MYO18B: variants seen among roughly 807,000 people sequenced by gnomAD.
MYO18B encodes unconventional myosin-XVIIIb.
A neutral mutation model predicts 273.0 loss-of-function variants in MYO18B; 204 were observed. The ratio of observed to expected loss-of-function variants is 0.75; its 90% CI spans 0.67 to 0.84. The LOEUF (loss-of-function observed/expected upper bound fraction) is 0.84. Ranked by LOEUF, MYO18B falls within the 40% of genes least tolerant of loss-of-function variation. The pLI is 0.00. For synonymous variants in MYO18B, 1,330 were observed against 1,305.7 expected (o/e 1.02, Z -0.40); for missense variants, 3,212 against 3,287.6 (o/e 0.98, Z 0.56).
At chr22:25,928,496 C>T (rs958059750) in intron 34 of MYO18B, among the ~76,000 whole-genome samples, 3 of 151,936 alleles carry the variant, frequency 2.0e-5, no homozygotes, top group Non-Finnish European at 4.4e-5. Flanking sequence ...CAACAGTTTC[C>T]CTTAGCTACA....
intron 12 of MYO18B, among the ~76,000 whole-genome samples, chr22:25,814,279 C>T (rs937439421): frequency 1.5e-5 from 2 of 136,440 alleles, no homozygotes; most frequent in Non-Finnish European, 3.1e-5. Context: ...GCTTGCCATG[C>T]TCCCAGGCAC....
intron 12 of MYO18B, among the ~76,000 whole-genome samples, chr22:25,822,976 C>T (rs2089340034): frequency 6.6e-6 from 1 of 152,080 alleles, no homozygotes; most frequent in Non-Finnish European, 1.5e-5. Flanking sequence ...GGTGGTGGTG[C>T]CAAGGTTGTC....
In MYO18B at chr22:25,872,320, G is replaced by T. The variant is rs562112531; in HGVS notation, c.3952-1966G>T. Among the ~76,000 whole-genome samples, 9 of 152,246 alleles carry T rather than the reference G, an allele frequency of 5.9e-5. No homozygotes were observed. The South Asian group carries it at 1.9e-3, about 32-fold the overall frequency. ...TGGAATCAAATTGCAGTTGAACCTCGCACTTCAAGTGCTTGTATCATAATG... is the reference window on the plus strand; with the variant it reads ...TGGAATCAAATTGCAGTTGAACCTCTCACTTCAAGTGCTTGTATCATAATG... On this transcript the variant is annotated intron_variant, in intron 22 of 43. Coordinates refer to ENST00000335473, the MANE Select transcript of MYO18B (RefSeq NM_032608.7).
At chr22:25,873,270 A>G (rs1237809218) in intron 22 of MYO18B, among the ~76,000 whole-genome samples, 1 of 152,042 alleles carries the variant, frequency 6.6e-6, no homozygotes, top group East Asian at 1.9e-4. Flanking sequence ...GCCATCATCC[A>G]TTATTGATGA....
rs749219859 is a variant in MYO18B at position 25,768,944 on chromosome 22, G to T, written c.1028G>T (p.Ser343Ile). The change falls in exon 4 of 44, where the codon AGT becomes ATT. Residue 343 changes from serine to isoleucine, a missense_variant. Transcript: ENST00000335473. ...NKKDKEGVLLSKAEKTGEPQT... is the reference protein window; with the variant it reads ...NKKDKEGVLLIKAEKTGEPQT... Reference sequence around the variant, plus strand: ...AAGGACAAAGAAGGGGTGCTCTTAAGTAAGGCAGAGAAGACAGGTGAGCCT... The same window carrying T: ...AAGGACAAAGAAGGGGTGCTCTTAATTAAGGCAGAGAAGACAGGTGAGCCT... The T allele has an allele frequency of 6.2e-7, 1 of 1,612,058 alleles. No individual in the cohort carries two copies. The highest frequency in any genetic ancestry group is 2.2e-5 in the East Asian group (1 of 44,840).
intron 39 of MYO18B, among the ~76,000 whole-genome samples, chr22:25,979,622 A>G (rs9608435): frequency 0.11 from 16,962 of 152,158 alleles, 1,024 homozygotes; most frequent in Middle Eastern, 0.2. Context: ...AGGATGCTGC[A>G]TCGGAAGTCA....
At position 25,868,972 on chromosome 22, in the gene MYO18B, C is replaced by T. The variant is rs533110416; in HGVS notation, c.3951+587C>T. ...ATGCTGAAGTTTTCAAGGTGGGATA[C>T]ATGGTATTTAGGGTTTCTCAAACTA... On this transcript the variant is annotated intron_variant, in intron 22 of 43. Coordinates refer to ENST00000335473, the MANE Select transcript of MYO18B (RefSeq NM_032608.7). Among the ~76,000 whole-genome samples the T allele has an allele frequency of 2.1e-4, 32 of 152,316 alleles. 1 individual carries two copies. In the South Asian group the frequency reaches 5.8e-3, roughly 28 times the overall value.
At chr22:26,039,758 A>G in the MYO18B span, among the ~76,000 whole-genome samples, 11,932 of 151,958 alleles carry the variant, frequency 0.079, 798 homozygotes, top group African/African-American at 0.18. Context: ...ACTGTACCCA[A>G]TATGCAGTCT....
At chr22:25,862,214 T>C (rs2090758390) in intron 21 of MYO18B, among the ~76,000 whole-genome samples, 1 of 152,214 alleles carries the variant, frequency 6.6e-6, no homozygotes, top group South Asian at 2.1e-4. Context: ...TGCAGATTTT[T>C]GTATCCTTTG....
chr22:26,015,803 G>GT (rs976005009), intron 42 of MYO18B, among the ~76,000 whole-genome samples: 9 of 151,950 alleles, frequency 5.9e-5, no homozygotes, highest in African/African-American at 2.2e-4. Context: ...GAACTTAAAA[G>GT]TTTTTTTTCT....
intron 17 of MYO18B, among the ~76,000 whole-genome samples, chr22:25,837,671 A>G (rs2089947123): frequency 6.6e-6 from 1 of 152,202 alleles, no homozygotes; most frequent in South Asian, 2.1e-4. Flanking sequence ...TGCCCATATC[A>G]GGACAGGATT....
At chr22:25,834,778 C>T (rs796364243) in intron 16 of MYO18B, among the ~76,000 whole-genome samples, 8 of 152,288 alleles carry the variant, frequency 5.3e-5, no homozygotes, top group African/African-American at 1.4e-4. Flanking sequence ...GCTATTGACT[C>T]GTGTTCACCT....
At chr22:25,854,502 G>A (rs1171947310) in intron 21 of MYO18B, among the ~76,000 whole-genome samples, 1 of 152,004 alleles carries the variant, frequency 6.6e-6, no homozygotes, top group Non-Finnish European at 1.5e-5. Flanking sequence ...AAAAAATTAT[G>A]GTAAAATACA....
At chr22:25,955,428 T>G in intron 39 of MYO18B, 64 bp downstream of exon 39, 1 of 1,491,354 alleles carries the variant, frequency 6.7e-7, no homozygotes, top group East Asian at 2.3e-5. Context: ...AGACCCCCCT[T>G]TCTTAAGACT....
chr22:25,938,869 G>A (rs1555955685), intron 34 of MYO18B, among the ~76,000 whole-genome samples: 1 of 152,224 alleles, frequency 6.6e-6, no homozygotes, highest in Non-Finnish European at 1.5e-5. Flanking sequence ...CCAAGCTGGA[G>A]TGCAGTGGTG....
intron 11 of MYO18B, among the ~76,000 whole-genome samples, chr22:25,789,721 A>G (rs1263102783): frequency 6.6e-6 from 1 of 152,156 alleles, no homozygotes; most frequent in Admixed American, 6.5e-5. Context: ...CAGAATACAC[A>G]CACACACTCG....
chr22:25,913,621 G>A (rs2092203982), intron 33 of MYO18B, among the ~76,000 whole-genome samples: 1 of 152,166 alleles, frequency 6.6e-6, no homozygotes, highest in Admixed American at 6.5e-5. Context: ...ACCCGCCTTG[G>A]CCTCCCAAAG....
chr22:25,768,195 C>T lies in MYO18B; in HGVS notation c.279C>T (p.Asp93=), dbSNP rs552283952. The change falls in exon 4 of 44, where the codon GAC becomes GAT. Residue 93 remains aspartate (D), a synonymous_variant. Transcript: ENST00000335473. ...CTGGAAGCCAGCAGATCTCTCAGGA[C>T]GACCAGTCAAGCTCTCCTGGGAGCT... ...TRSGSQQISQ[D]DQSSSPGSSD... 45 of 1,613,924 alleles carry T rather than the reference C, an allele frequency of 2.8e-5. No homozygotes were observed. The highest frequency in any genetic ancestry group is 7.7e-5 in the South Asian group (7 of 91,058).
intron 2 of MYO18B, among the ~76,000 whole-genome samples, chr22:25,762,534 G>T (rs971747669): frequency 2.0e-5 from 3 of 152,270 alleles, no homozygotes; most frequent in Non-Finnish European, 2.9e-5. Context: ...GGTCTCAGCT[G>T]CACCACAAGT....
Sources: gnomAD v4.1 joint callset for allele counts (sites outside exome capture counted in the v4.1 genomes callset) on GRCh38, gnomAD v4.1.1 for gene constraint, MANE v1.5 for transcripts, NCBI Gene and HGNC (gene_info 2026-07-23, HGNC 2026-07-21) for gene names.